Variants in HERC3 observed in about 807,000 individuals in gnomAD.
HERC3 encodes the protein HECT and RLD domain containing E3 ubiquitin protein ligase 3.
HERC3 carries 58 observed loss-of-function variants against 129.9 expected under a neutral mutation model. The ratio of observed to expected loss-of-function variants is 0.45; its 90% CI spans 0.36 to 0.56. The LOEUF is 0.56. Ranked by LOEUF, HERC3 falls within the 20% of genes least tolerant of loss-of-function variation. The probability of loss-of-function intolerance (pLI) is 0.00; values close to 1 mark genes in which losing one functional copy is unlikely to be tolerated. For synonymous variants in HERC3, 430 were observed against 451.0 expected (o/e 0.95, Z 0.59); for missense variants, 835 against 1,244.2 (o/e 0.67, Z 4.95).
chr4:88,656,112 C>T (rs767431411), intron 9 of HERC3, 77 bp downstream of exon 9: 1 of 1,437,070 alleles, frequency 7.0e-7, no homozygotes, highest in Non-Finnish European at 9.6e-7. Flanking sequence ...GTATCTATTA[C>T]TTACTTTGAG....
intron 10 of HERC3, among the ~76,000 whole-genome samples, chr4:88,661,621 A>G (rs1158920284): frequency 6.6e-6 from 1 of 152,216 alleles, no homozygotes; most frequent in Admixed American, 6.5e-5. Flanking sequence ...ATAAGTTGAA[A>G]ACAAGCAATT....
At chr4:88,629,140 A>G (rs1353539204) in intron 3 of HERC3, among the ~76,000 whole-genome samples, 5 of 152,250 alleles carry the variant, frequency 3.3e-5, no homozygotes, top group Admixed American at 3.3e-4. Flanking sequence ...CCTGGGTGAC[A>G]GAGTGAGACT....
intron 3 of HERC3, among the ~76,000 whole-genome samples, chr4:88,626,124 C>T (rs1231237507): frequency 1.3e-5 from 2 of 152,078 alleles, no homozygotes; most frequent in Admixed American, 1.3e-4. Context: ...GTAATGCTGG[C>T]CTCATGAAAT....
At chr4:88,659,790 A>G (rs1730300568) in intron 10 of HERC3, among the ~76,000 whole-genome samples, 1 of 152,200 alleles carries the variant, frequency 6.6e-6, no homozygotes, top group East Asian at 1.9e-4. Flanking sequence ...ATAGTATCCA[A>G]CTTTAATTTT....
chr4:88,573,479 T>A, the HERC3 span, among the ~76,000 whole-genome samples: 22 of 152,338 alleles, frequency 1.4e-4, no homozygotes, highest in African/African-American at 4.8e-4. Flanking sequence ...ACTGTTTGCC[T>A]ACTTTGACTT....
chr4:88,558,749 G>A, the HERC3 span, among the ~76,000 whole-genome samples: 1 of 152,008 alleles, frequency 6.6e-6, no homozygotes, highest in Non-Finnish European at 1.5e-5. Context: ...GGATCACGAG[G>A]TCAGGAGATC....
the HERC3 span, chr4:88,528,123 A>G: frequency 4.2e-6 from 1 of 239,860 alleles, no homozygotes; most frequent in Non-Finnish European, 8.5e-6. Flanking sequence ...CTTTGCACTG[A>G]CCCCAAACAG....
chr4:88,605,657 A>G (rs1723543363), intron 2 of HERC3, 138 bp from the exon 3 acceptor site: 2 of 548,130 alleles, frequency 3.6e-6, no homozygotes, highest in Non-Finnish European at 6.5e-6. Flanking sequence ...CAGTATTAAT[A>G]TGTTTTATTT....
intron 21 of HERC3, among the ~76,000 whole-genome samples, chr4:88,686,218 G>C (rs1448919516): frequency 6.6e-6 from 1 of 152,140 alleles, no homozygotes; most frequent in Non-Finnish European, 1.5e-5. Context: ...GTGGCCTGGG[G>C]AAGCCAAAAG....
chr4:88,664,505 C>G (rs1730838766), intron 12 of HERC3, among the ~76,000 whole-genome samples: 1 of 152,102 alleles, frequency 6.6e-6, no homozygotes, highest in Non-Finnish European at 1.5e-5. Flanking sequence ...TAAGCTGATG[C>G]TTTGCGCAAA....
chr4:88,557,890 AT>A, the HERC3 span, among the ~76,000 whole-genome samples: 8 of 151,548 alleles, frequency 5.3e-5, no homozygotes, highest in East Asian at 1.6e-3. Context: ...AAAATACAAA[AT>A]TTTTCTCGTC....
the HERC3 span, among the ~76,000 whole-genome samples, chr4:88,540,212 C>G: frequency 2.0e-5 from 3 of 152,126 alleles, no homozygotes; most frequent in Non-Finnish European, 2.9e-5. Context: ...AGACGAATGG[C>G]TAACTAGAAT....
intron 23 of HERC3, among the ~76,000 whole-genome samples, chr4:88,700,111 G>A (rs1735192672): frequency 6.6e-6 from 1 of 151,442 alleles, no homozygotes; most frequent in Non-Finnish European, 1.5e-5. Context: ...TACTAGCAGA[G>A]TACATTTGAG....
At chr4:88,659,940 T>C (rs1348158150) in intron 10 of HERC3, among the ~76,000 whole-genome samples, 1 of 152,116 alleles carries the variant, frequency 6.6e-6, no homozygotes, top group Non-Finnish European at 1.5e-5. Context: ...TAGCATACTA[T>C]TAGAGAGGCA....
chr4:88,544,321 C>G, the HERC3 span, among the ~76,000 whole-genome samples: 2 of 152,162 alleles, frequency 1.3e-5, no homozygotes, highest in Admixed American at 1.3e-4. Context: ...TGAAAAAAAG[C>G]TCATAATCAC....
the HERC3 span, among the ~76,000 whole-genome samples, chr4:88,569,978 T>G: frequency 6.6e-6 from 1 of 152,252 alleles, no homozygotes; most frequent in Non-Finnish European, 1.5e-5. Flanking sequence ...TCCAGTGCAG[T>G]GCCCACTTCC....
At chr4:88,661,600 G>A (rs1325095134) in intron 10 of HERC3, among the ~76,000 whole-genome samples, 1 of 152,138 alleles carries the variant, frequency 6.6e-6, no homozygotes, top group Non-Finnish European at 1.5e-5. Context: ...CAAGAACAAG[G>A]CTTGGGGAAA....
At chr4:88,585,582 T>C in the HERC3 span, among the ~76,000 whole-genome samples, 1 of 151,072 alleles carries the variant, frequency 6.6e-6, no homozygotes, top group Non-Finnish European at 1.5e-5. Flanking sequence ...GGCTTGTGCA[T>C]GTGTACTAAA....
At chr4:88,660,601 A>ACACTGATT (rs1336009063) in intron 10 of HERC3, among the ~76,000 whole-genome samples, 1 of 152,158 alleles carries the variant, frequency 6.6e-6, no homozygotes, top group Non-Finnish European at 1.5e-5. Context: ...CCCCTTTGCT[A>ACACTGATT]CACTGATTCT....
Sources: gnomAD v4.1 joint callset for allele counts (sites outside exome capture counted in the v4.1 genomes callset) on GRCh38, gnomAD v4.1.1 for gene constraint, MANE v1.5 for transcripts, NCBI Gene and HGNC (gene_info 2026-07-23, HGNC 2026-07-21) for gene names.